BCL11B: variants seen among roughly 807,000 people sequenced by gnomAD.
BCL11B encodes the protein BCL11 transcription factor B, also known as B-cell lymphoma/leukemia 11B.
Under a neutral mutation model 49.9 loss-of-function variants are expected in BCL11B, and 8 were observed. That is an observed-to-expected ratio of 0.16 (90% confidence interval 0.09 to 0.29). BCL11B has a LOEUF of 0.29. Ranked by LOEUF, BCL11B falls within the 10% of genes least tolerant of loss-of-function variation. The pLI is 1.00. For synonymous variants in BCL11B, 739 were observed against 637.4 expected, an observed-to-expected ratio of 1.16 and a Z score of -2.40; for missense variants, 1,006 against 1,351.0, an observed-to-expected ratio of 0.74 and a Z score of 4.00.
chr14:99,182,576 T>C (rs1000277050), intron 3 of BCL11B, among the ~76,000 whole-genome samples: 2 of 152,122 alleles, frequency 1.3e-5, no homozygotes, highest in African/African-American at 2.4e-5. Flanking sequence ...GCAAAAATAA[T>C]AGATGCCATT....
In BCL11B at chr14:99,175,686, G is replaced by C; in HGVS notation, c.1150C>G (p.Arg384Gly). Residue 384 changes from arginine to glycine, a missense_variant, in exon 4 of 4, where the codon CGC (arginine) becomes GGC (glycine). This residue lies in a region of BCL11B where 97 missense variants were observed against 81.5 expected (regional missense o/e 1.19). Coordinates refer to ENST00000357195, the MANE Select transcript of BCL11B (RefSeq NM_138576.4). ...AGGAGCCGGTGCATAGGGTTGCCGCGGCCCGGGGACACGGGCGGCGGCGTG... is the reference window on the plus strand; with the variant it reads ...AGGAGCCGGTGCATAGGGTTGCCGCCGCCCGGGGACACGGGCGGCGGCGTG... ...SSTPPPVSPG[R>G]GNPMHRLLNP... is the part of the protein sequence containing the mutation. The C allele has an allele frequency of 1.3e-6, 2 of 1,531,444 alleles. No individual in the cohort carries two copies. The highest frequency in any genetic ancestry group is 1.7e-6 in the Non-Finnish European group (2 of 1,153,044). 94.9% of individuals were successfully genotyped at this position (1,531,444 alleles called of 1,614,324 possible).
chr14:99,250,102 C>G (rs535644592), intron 2 of BCL11B, among the ~76,000 whole-genome samples: 1 of 137,354 alleles, frequency 7.3e-6, no homozygotes, highest in African/African-American at 2.8e-5. Context: ...GTGGCATGAT[C>G]TCGGCTCACT....
chr14:99,195,558 C>G lies in BCL11B; in HGVS notation c.641-19363G>C, dbSNP rs2139806743. 6.6e-6 allele frequency among the ~76,000 whole-genome samples: 1 copy of G among 152,256 alleles called. No homozygotes were observed. The highest frequency in any genetic ancestry group is 2.4e-5 in the African/African-American group (1 of 41,538). ...GTGCCTCAGTGTATCTTCGTGAACCCCCACAAGGCTCGTATGCCTTGGATT... is the reference window on the plus strand; with the variant it reads ...GTGCCTCAGTGTATCTTCGTGAACCGCCACAAGGCTCGTATGCCTTGGATT... On this transcript the variant is annotated intron_variant, in intron 3 of 3. Transcript: ENST00000357195. This position sits in a 1 kb window ranked among gnomAD's most constrained non-coding sequence, Gnocchi z 4.7.
intron 3 of BCL11B, among the ~76,000 whole-genome samples, chr14:99,187,718 G>A (rs1886896509): frequency 6.6e-6 from 1 of 150,596 alleles, no homozygotes. Flanking sequence ...GGATCAGTGT[G>A]TAGCTGTTTC....
rs1483496812 is a variant in BCL11B at position 99,272,164 on chromosome 14, G to T, written c.-946C>A. ...TTGCAACGTGAAGATGGCGGAGTCCGGGTTCTCTGGGAGCTCTCGGTCTCT... is the reference window on the plus strand; with the variant it reads ...TTGCAACGTGAAGATGGCGGAGTCCTGGTTCTCTGGGAGCTCTCGGTCTCT... On this transcript the variant is annotated 5_prime_UTR_variant, in exon 1 of 4. Coordinates refer to ENST00000357195, the MANE Select transcript of BCL11B (RefSeq NM_138576.4). This position sits in a 1 kb window ranked among gnomAD's most constrained non-coding sequence, Gnocchi z 6.0. Among the ~76,000 whole-genome samples, 1 of 152,166 alleles carries T rather than the reference G, an allele frequency of 6.6e-6. No individual in the cohort carries two copies. Among genetic ancestry groups the T allele is most frequent in the Non-Finnish European group, 1.5e-5 (1 of 68,020 alleles).
intron 2 of BCL11B, among the ~76,000 whole-genome samples, chr14:99,240,756 G>A (rs1211892919): frequency 6.6e-6 from 1 of 152,194 alleles, no homozygotes; most frequent in Non-Finnish European, 1.5e-5. Context: ...AACAAAATGT[G>A]TAAAAATTAA....
chr14:99,234,986 G>A (rs995881628), intron 2 of BCL11B, among the ~76,000 whole-genome samples: 1 of 152,088 alleles, frequency 6.6e-6, no homozygotes, highest in African/African-American at 2.4e-5. Context: ...TTCCACAGGG[G>A]TCTGTCACCC....
Position 99,248,364 on chromosome 14 carries a change from A to T in BCL11B, c.427+9107T>A, listed in dbSNP as rs1888908122. The stretch of plus-strand genomic sequence containing the variant: ...TCCAACTCGAGGCTTGCAAGTCCTG[A>T]TCACACCCTCCCCTGAGGAGGCTCC... On this transcript the variant is annotated intron_variant, in intron 2 of 3. Transcript: ENST00000357195. The surrounding 1 kb of genome is among the most constrained non-coding windows in gnomAD (Gnocchi z 4.7). Among the ~76,000 whole-genome samples the T allele has an allele frequency of 6.6e-6, 1 of 152,092 alleles. No individual in the cohort carries two copies. The highest frequency in any genetic ancestry group is 2.1e-4 in the South Asian group (1 of 4,816).
At position 99,232,327 on chromosome 14, in the gene BCL11B, T is replaced by C. The variant is rs993727842; in HGVS notation, c.428-770A>G. Reference sequence around the variant, plus strand: ...GCCTCTGCCCAGCCCCACAGCTCGCTCAGCTCCACAGCAAGGCCTGCATTT... The same window carrying C: ...GCCTCTGCCCAGCCCCACAGCTCGCCCAGCTCCACAGCAAGGCCTGCATTT... On this transcript the variant is annotated intron_variant, in intron 2 of 3. Transcript: ENST00000357195. This position sits in a 1 kb window ranked among gnomAD's most constrained non-coding sequence, Gnocchi z 5.1. 2.0e-5 allele frequency among the ~76,000 whole-genome samples: 3 copies of C among 152,208 alleles called. No individual in the cohort carries two copies. The highest frequency in any genetic ancestry group is 6.5e-5 in the Admixed American group (1 of 15,290).
intron 3 of BCL11B, among the ~76,000 whole-genome samples, chr14:99,224,933 C>T (rs1888117156): frequency 6.6e-6 from 1 of 152,174 alleles, no homozygotes; most frequent in Admixed American, 6.5e-5. Flanking sequence ...CCCACAGGGA[C>T]AGGGCAGCCA....
chr14:99,211,328 C>T (rs1354717926), intron 3 of BCL11B, among the ~76,000 whole-genome samples: 1 of 152,206 alleles, frequency 6.6e-6, no homozygotes, highest in Non-Finnish European at 1.5e-5. Flanking sequence ...CCCATGAGAG[C>T]CTGCAGCTGG....
rs1330808639 is a variant in BCL11B, at chr14:99,231,592, G to C, written c.428-35C>G. Reference sequence around the variant, plus strand: ...AAACAATAGAAAAGACTGGTCAGTCGGGCCCTGGACTGTGTGAGGGGCACG... The same window carrying C: ...AAACAATAGAAAAGACTGGTCAGTCCGGCCCTGGACTGTGTGAGGGGCACG... On this transcript the variant is annotated intron_variant, in intron 2 of 3. Transcript: ENST00000357195. This position sits in a 1 kb window ranked among gnomAD's most constrained non-coding sequence, Gnocchi z 8.1. 1 of 1,545,342 alleles carries C rather than the reference G, an allele frequency of 6.5e-7. No homozygotes were observed.
At chr14:99,223,263 T>C (rs1888063444) in intron 3 of BCL11B, among the ~76,000 whole-genome samples, 1 of 152,246 alleles carries the variant, frequency 6.6e-6, no homozygotes, top group Admixed American at 6.5e-5. Context: ...ATTGGCACTC[T>C]CTTCATCTAC....
rs1233021729 is a variant in BCL11B, at chr14:99,248,065, G to A, written c.427+9406C>T. On this transcript the variant is annotated intron_variant, in intron 2 of 3. Transcript: ENST00000357195. This position sits in a 1 kb window ranked among gnomAD's most constrained non-coding sequence, Gnocchi z 4.7. ...AAGGCTATTTTGTTACTATTTTTCC[G>A]CCCAGAGGAGGCTGTGGTCCCAGTT... Among the ~76,000 whole-genome samples, 6 of 152,152 alleles carry A rather than the reference G, an allele frequency of 3.9e-5. No homozygotes were observed. Among genetic ancestry groups the A allele is most frequent in the Admixed American group, 1.3e-4 (2 of 15,298 alleles).
intron 3 of BCL11B, among the ~76,000 whole-genome samples, chr14:99,177,009 G>A (rs971380195): frequency 3.3e-5 from 5 of 151,854 alleles, no homozygotes; most frequent in African/African-American, 9.7e-5. Flanking sequence ...CTACACCACC[G>A]TCTGTGCAGA....
At chr14:99,251,424 G>A (rs945771910) in intron 2 of BCL11B, among the ~76,000 whole-genome samples, 4 of 152,074 alleles carry the variant, frequency 2.6e-5, no homozygotes, top group Non-Finnish European at 5.9e-5. Flanking sequence ...TATAGGTACC[G>A]AGACCTGGGG....
In BCL11B at chr14:99,202,625, C is replaced by T. The variant is rs1043363499; in HGVS notation, c.641-26430G>A. 2.6e-5 allele frequency among the ~76,000 whole-genome samples: 4 copies of T among 152,176 alleles called. No individual in the cohort carries two copies. In the East Asian group the frequency reaches 7.7e-4, roughly 29 times the overall value. ...GGGATGGGAGGGAGAGAGAGGGAGG[C>T]AGGGCCCACAGAGCCCTGGGGAGAG... On this transcript the variant is annotated intron_variant, in intron 3 of 3. Coordinates refer to ENST00000357195, the MANE Select transcript of BCL11B (RefSeq NM_138576.4).
intron 3 of BCL11B, among the ~76,000 whole-genome samples, chr14:99,211,836 G>A (rs986563284): frequency 1.3e-5 from 2 of 152,142 alleles, no homozygotes; most frequent in African/African-American, 4.8e-5. Context: ...AAAATTTAAT[G>A]AGTAAGCAAA....
rs533825119 is a variant in BCL11B, at chr14:99,213,824, G to C, written c.640+17521C>G. Among the ~76,000 whole-genome samples the C allele has an allele frequency of 6.6e-6, 1 of 152,298 alleles. No individual in the cohort carries two copies. The highest frequency in any genetic ancestry group is 1.5e-5 in the Non-Finnish European group (1 of 68,024). On this transcript the variant is annotated intron_variant, in intron 3 of 3. Transcript: ENST00000357195. This position sits in a 1 kb window ranked among gnomAD's most constrained non-coding sequence, Gnocchi z 5.1. ...CAGGGGCCCCTGGCAAGGGCCCCCC[G>C]AGGGGCTGCCCCGTGCGCCCAGGCA...
Sources: gnomAD v4.1 joint callset for allele counts (sites outside exome capture counted in the v4.1 genomes callset) on GRCh38, gnomAD v4.1.1 for gene constraint, gnomAD v4.1.1 regional missense constraint, Gnocchi (gnomAD v3.1) non-coding constraint, MANE v1.5 for transcripts, NCBI Gene and HGNC (gene_info 2026-07-23, HGNC 2026-07-21) for gene names.